The following NFIB variants were observed in gnomAD, a reference collection of about 807,000 sequenced individuals.
NFIB encodes the protein nuclear factor 1 B-type.
A neutral mutation model predicts 61.5 loss-of-function variants in NFIB; 11 were observed. The observed-to-expected ratio is 0.18, with a 90% CI of 0.11 to 0.30. The LOEUF (loss-of-function observed/expected upper bound fraction) is 0.30, where lower values mean the gene tolerates loss of function less well. NFIB is among the 10% of genes least tolerant of loss of function. The probability of loss-of-function intolerance (pLI) is 1.00; values close to 1 mark genes in which losing one functional copy is unlikely to be tolerated. For missense variants in NFIB, 471 were observed against 608.9 expected (o/e 0.77, Z 2.38); for synonymous variants, 260 against 216.5 (o/e 1.20, Z -1.76).
upstream of NFIB, among the ~76,000 whole-genome samples, chr9:14,403,223 T>G (rs906036979): frequency 3.9e-5 from 6 of 152,184 alleles, no homozygotes; most frequent in Non-Finnish European, 5.9e-5. Context: ...TGAAACGATG[T>G]AAAAGGGGTC....
At position 14,113,023 on chromosome 9, in the gene NFIB, G is replaced by C; in HGVS notation, c.1443C>G (p.Asp481Glu). 1.3e-6 allele frequency: 2 copies of C among 1,550,336 alleles called. No homozygotes were observed. The highest frequency in any genetic ancestry group is 1.2e-5 in the South Asian group (1 of 84,046). The change falls in exon 10 of 11, where the codon GAC becomes GAG. Residue 481 changes from aspartate (D) to glutamate (E), a missense_variant. Around this residue, in one of 2 missense-constraint regions of NFIB, gnomAD observed 372 missense variants for 395.6 expected, o/e 0.94. Coordinates refer to ENST00000380953, the MANE Select transcript of NFIB (RefSeq NM_001190737.2). The stretch of plus-strand genomic sequence containing the variant: ...CCTGTTGCTGATGTAGGAAGGATGG[G>C]TCTCTTGGGCTTAGTCCCACATATC... ...ANRYVGLSPR[D>E]PSFLHQQQSW...
chr9:14,515,223 A>G, the NFIB span, among the ~76,000 whole-genome samples: 3 of 152,056 alleles, frequency 2.0e-5, no homozygotes, highest in Non-Finnish European at 1.5e-5. Context: ...ACATTGGGGC[A>G]TAGGGAAGAC....
At chr9:14,458,086 A>T in the NFIB span, among the ~76,000 whole-genome samples, 5 of 152,228 alleles carry the variant, frequency 3.3e-5, no homozygotes, top group African/African-American at 4.8e-5. Flanking sequence ...TTAGACCAAT[A>T]TCCCTGATGA....
intron 2 of NFIB, among the ~76,000 whole-genome samples, chr9:14,291,323 A>G (rs964036512): frequency 6.6e-6 from 1 of 151,986 alleles, no homozygotes; most frequent in Non-Finnish European, 1.5e-5. Context: ...AGTCTCTACT[A>G]AAAATACAAA....
At chr9:14,102,881 C>G (rs2035983412) in intron 10 of NFIB, among the ~76,000 whole-genome samples, 1 of 152,040 alleles carries the variant, frequency 6.6e-6, no homozygotes, top group African/African-American at 2.4e-5. Flanking sequence ...ATGCATCACA[C>G]CAAATAATCT....
At chr9:14,203,930 G>GA (rs563129963) in intron 2 of NFIB, among the ~76,000 whole-genome samples, 151 of 150,456 alleles carry the variant, frequency 1.0e-3, no homozygotes, top group African/African-American at 3.3e-3. Context: ...AATTTGTGGG[G>GA]AAAAAAAAAT....
At chr9:14,482,457 C>A in the NFIB span, among the ~76,000 whole-genome samples, 4 of 152,164 alleles carry the variant, frequency 2.6e-5, no homozygotes, top group Admixed American at 2.0e-4. Context: ...CCCCTCACCC[C>A]CTCACCATGT....
rs112524482 is a variant in NFIB at position 14,307,943 on chromosome 9, A to ATT, written c.31-425_31-424dup. ...ACCATTTTACAAAGAACACAGTGAG[A>ATT]TTTTTTTTTTTTAATCGGAGTAGAG... On this transcript the variant is annotated intron_variant, in intron 1 of 10. Coordinates refer to ENST00000380953, the MANE Select transcript of NFIB (RefSeq NM_001190737.2). This position sits in a 1 kb window ranked among gnomAD's most constrained non-coding sequence, Gnocchi z 5.3. The ATT allele has an allele frequency of 5.0e-4, 76 of 152,658 alleles. No individual in the cohort carries two copies. The highest frequency in any genetic ancestry group is 3.5e-3 in the Middle Eastern group (1 of 286). The allele number at this position is 152,658 out of a possible 1,614,324, so 9.5% of individuals were successfully genotyped here.
chr9:14,374,168 A>G (rs2061390688), intron 1 of NFIB, among the ~76,000 whole-genome samples: 1 of 152,150 alleles, frequency 6.6e-6, no homozygotes, highest in South Asian at 2.1e-4. Context: ...GGCTTTCAAA[A>G]ATCCTTTTGT....
chr9:14,136,104 G>A (rs556614207), intron 6 of NFIB, among the ~76,000 whole-genome samples: 41 of 152,116 alleles, frequency 2.7e-4, no homozygotes, highest in African/African-American at 9.9e-4. Flanking sequence ...GTCTTCCAGA[G>A]ACACTTAAAA....
chr9:14,104,238 A>C (rs1356294728), intron 10 of NFIB, among the ~76,000 whole-genome samples: 4 of 152,104 alleles, frequency 2.6e-5, no homozygotes, highest in Non-Finnish European at 5.9e-5. Context: ...AATGGACCAA[A>C]ATACTCACAT....
chr9:14,479,206 A>G, the NFIB span, among the ~76,000 whole-genome samples: 14 of 152,306 alleles, frequency 9.2e-5, no homozygotes, highest in Middle Eastern at 3.4e-3. Context: ...ACAGACAATC[A>G]CTGAGGAAAG....
At chr9:14,194,566 A>G (rs2048283422) in intron 2 of NFIB, among the ~76,000 whole-genome samples, 2 of 152,232 alleles carry the variant, frequency 1.3e-5, no homozygotes, top group Non-Finnish European at 2.9e-5. Flanking sequence ...AAAAAGAAAA[A>G]AGACAATAAG....
rs139532534 is a variant in NFIB, at chr9:14,157,558, C to T, written c.617-1665G>A. Among the ~76,000 whole-genome samples, 60 of 152,242 alleles carry T rather than the reference C, an allele frequency of 3.9e-4. 1 individual carries two copies. In the East Asian group the frequency reaches 7.5e-3, roughly 19 times the overall value. On this transcript the variant is annotated intron_variant, in intron 3 of 10. Transcript: ENST00000380953. ...TAACAAAATGTCCCAATTTAATGCA[C>T]TTCTATTTTAAGAAACTCTTATTTC...
At chr9:14,343,655 C>A (rs1300427736) in intron 1 of NFIB, among the ~76,000 whole-genome samples, 2 of 151,816 alleles carry the variant, frequency 1.3e-5, no homozygotes, top group Non-Finnish European at 2.9e-5. Context: ...AAAGTGTGTA[C>A]AGTATTTTAT....
intron 2 of NFIB, among the ~76,000 whole-genome samples, chr9:14,274,509 T>C (rs1464206686): frequency 1.3e-5 from 2 of 152,222 alleles, no homozygotes; most frequent in East Asian, 1.9e-4. Context: ...GTTTTTCTAA[T>C]AGCTGCTGCT....
rs865792656 is a variant in NFIB at position 14,234,843 on chromosome 9, G to A, written c.563-55063C>T. On this transcript the variant is annotated intron_variant, in intron 2 of 10. Coordinates refer to ENST00000380953, the MANE Select transcript of NFIB (RefSeq NM_001190737.2). ...GTATGTTTTAACTATTTCAACATAC[G>A]TTTTTAAAAACCAGATCCAAGAGGA... 7.1e-5 allele frequency among the ~76,000 whole-genome samples: 10 copies of A among 141,548 alleles called. No homozygotes were observed. In the Middle Eastern group the frequency reaches 0.019, roughly 264 times the overall value. 92.9% of individuals were successfully genotyped at this position (141,548 alleles called of 152,430 possible). A position where few individuals can be genotyped will look rare whatever the true frequency, so the allele number is the denominator to read the frequency against.
chr9:14,479,075 G>T, the NFIB span, among the ~76,000 whole-genome samples: 1 of 152,158 alleles, frequency 6.6e-6, no homozygotes, highest in Admixed American at 6.5e-5. Context: ...TAAACCCACT[G>T]CAAATCTACA....
At chr9:14,462,503 G>T in the NFIB span, among the ~76,000 whole-genome samples, 1 of 151,892 alleles carries the variant, frequency 6.6e-6, no homozygotes, top group Non-Finnish European at 1.5e-5. Context: ...AGGATGGTCT[G>T]GATCTCCTGA....
Sources: gnomAD v4.1 joint callset for allele counts (sites outside exome capture counted in the v4.1 genomes callset) on GRCh38, gnomAD v4.1.1 for gene constraint, gnomAD v4.1.1 regional missense constraint, Gnocchi (gnomAD v3.1) non-coding constraint, MANE v1.5 for transcripts, NCBI Gene and HGNC (gene_info 2026-07-23, HGNC 2026-07-21) for gene names.